Variants in AGT observed in about 807,000 individuals in gnomAD.
AGT encodes alpha-1 antiproteinase, antitrypsin.
AGT carries 26 observed loss-of-function variants against 28.1 expected under a neutral mutation model. The ratio of observed to expected loss-of-function variants is 0.92; its 90% CI spans 0.68 to 1.28. AGT has a LOEUF of 1.28. Among genes scored for constraint, AGT ranks in the 50% most tolerant of loss-of-function variants. The pLI is 0.00. For synonymous variants in AGT, 259 were observed against 259.6 expected (o/e 1.00, Z 0.02); for missense variants, 596 against 592.3 (o/e 1.01, Z -0.06).
intron 1 of AGT, among the ~76,000 whole-genome samples, chr1:230,720,152 T>C (rs1006180466): frequency 9.2e-5 from 14 of 152,130 alleles, no homozygotes; most frequent in Non-Finnish European, 2.1e-4. Flanking sequence ...AAGGGGTTAA[T>C]ATGAAACACG....
chr1:230,726,116 C>T (rs183168117), intron 1 of AGT, among the ~76,000 whole-genome samples: 128 of 152,302 alleles, frequency 8.4e-4, no homozygotes, highest in African/African-American at 2.6e-3. Context: ...GCAGCCAGAG[C>T]CAACTTTGAA....
chr1:230,724,286 A>C (rs766709287), intron 1 of AGT, among the ~76,000 whole-genome samples: 40 of 152,262 alleles, frequency 2.6e-4, no homozygotes, highest in Non-Finnish European at 5.0e-4. Context: ...TGCATGACAG[A>C]GGAGTTAGCT....
rs182271433 is a variant in AGT, at chr1:230,736,376, G to A, written c.-31+9139C>T. On this transcript the variant is annotated intron_variant, in intron 1 of 4. Transcript: ENST00000681269. The stretch of plus-strand genomic sequence containing the variant: ...ATCTCTACTAAAAATACAAAAAGCC[G>A]GGCATGGTGGCGGGCACCTGTAGTC... Among the ~76,000 whole-genome samples the A allele has an allele frequency of 6.6e-4, 101 of 152,048 alleles. No individual in the cohort carries two copies. In the East Asian group the frequency reaches 0.015, roughly 22 times the overall value.
At chr1:230,726,288 G>A (rs10864774) in intron 1 of AGT, among the ~76,000 whole-genome samples, 12,168 of 152,136 alleles carry the variant, frequency 0.08, 849 homozygotes, top group East Asian at 0.35. Context: ...TTTTATTGAT[G>A]AAGATGACAA....
At chr1:230,715,598 A>T (rs933057133), upstream of AGT, among the ~76,000 whole-genome samples, 2 of 152,234 alleles carry the variant, frequency 1.3e-5, no homozygotes, top group Non-Finnish European at 2.9e-5. Flanking sequence ...TAGTTGGAAC[A>T]GTAGAGACTG....
In AGT at chr1:230,702,729, A is replaced by G. The variant is rs113630741; in HGVS notation, c.*412T>C. The G allele has an allele frequency of 4.4e-6, 1 of 228,622 alleles. No individual in the cohort carries two copies. Among genetic ancestry groups the G allele is most frequent in the Non-Finnish European group, 8.8e-6 (1 of 113,660 alleles). 14.2% of individuals were successfully genotyped at this position (228,622 alleles called of 1,614,324 possible). Reference sequence around the variant, plus strand: ...ATTCAAGACACTAAATACAAACCGAAGGCAATGCAAAAATGTATACTTTAA... The same window carrying G: ...ATTCAAGACACTAAATACAAACCGAGGGCAATGCAAAAATGTATACTTTAA... On this transcript the variant is annotated 3_prime_UTR_variant, in exon 5 of 5. Coordinates refer to ENST00000366667, the MANE Select transcript of AGT (RefSeq NM_001384479.1).
Position 230,710,058 on chromosome 1 carries a change from A to T in AGT, c.766T>A (p.Cys256Ser). The change falls in exon 2 of 5, where the codon TGC (cysteine) becomes AGC (serine). Residue 256 changes from cysteine (C) to serine (S), a missense_variant. By Grantham distance (112) the Cys-to-Ser change is moderately radical (BLOSUM62 -1). Coordinates refer to ENST00000366667, the MANE Select transcript of AGT (RefSeq NM_001384479.1). ...TCCACACTGGCTCCCATCAGGGAGC[A>T]GCCAGTCTTCCATCCTGTCACAGCC... ...MQAVTGWKTG[C>S]SLMGASVDST... 6.2e-7 allele frequency: 1 copy of T among 1,614,172 alleles called. No individual in the cohort carries two copies. Among genetic ancestry groups the T allele is most frequent in the Non-Finnish European group, 8.5e-7 (1 of 1,180,022 alleles).
intron 1 of AGT, among the ~76,000 whole-genome samples, chr1:230,719,882 T>A: frequency 6.6e-6 from 1 of 152,176 alleles, no homozygotes; most frequent in East Asian, 1.9e-4. Flanking sequence ...CAAAAAGTGA[T>A]TGCTGCCTGA....
intron 2 of AGT, among the ~76,000 whole-genome samples, chr1:230,708,301 C>T (rs945951544): frequency 2.0e-5 from 3 of 152,112 alleles, no homozygotes; most frequent in African/African-American, 7.2e-5. Flanking sequence ...CGAAGGGAGA[C>T]CCATTTCAGA....
chr1:230,713,854 C>A lies in AGT; in HGVS notation c.-31+232G>T, dbSNP rs11568049. ...GGACCCTAACTTTTCTCAGCGGAAG[C>A]AGGAAGACCTGACCATCTTGTCCTA... is the stretch of plus-strand genomic sequence containing the variant. On this transcript the variant is annotated intron_variant, in intron 1 of 4. Transcript: ENST00000366667. Among the ~76,000 whole-genome samples the A allele has an allele frequency of 5.4e-3, 817 of 152,276 alleles. 3 individuals carry two copies. The highest frequency in any genetic ancestry group is 0.014 in the Middle Eastern group (4 of 294).
At chr1:230,711,833 A>T (rs1430263403) in intron 1 of AGT, among the ~76,000 whole-genome samples, 1 of 135,892 alleles carries the variant, frequency 7.4e-6, no homozygotes, top group East Asian at 2.3e-4. Context: ...AAAAAAAAAA[A>T]AATAGAAAAT....
At chr1:230,715,732 C>T (rs1663722266), upstream of AGT, among the ~76,000 whole-genome samples, 1 of 152,112 alleles carries the variant, frequency 6.6e-6, no homozygotes, top group Non-Finnish European at 1.5e-5. Context: ...AAGCAACAAC[C>T]TTGTGCCCAG....
At chr1:230,708,931 C>T (rs1393384849) in intron 2 of AGT, among the ~76,000 whole-genome samples, 1 of 152,182 alleles carries the variant, frequency 6.6e-6, no homozygotes, top group Non-Finnish European at 1.5e-5. Context: ...TCTGGTTCAA[C>T]ACTCATGCCA....
At position 230,703,014 on chromosome 1, in the gene AGT, G is replaced by T; in HGVS notation, c.*127C>A. On this transcript the variant is annotated 3_prime_UTR_variant, in exon 5 of 5. Coordinates refer to ENST00000366667, the MANE Select transcript of AGT (RefSeq NM_001384479.1). ...TTTCCAGCTCAAAGTCGACTCATTA[G>T]AAGAAAAGGTGGGAGACTGGGGGTG... The T allele has an allele frequency of 9.2e-7, 1 of 1,088,184 alleles. No individual in the cohort carries two copies. Among genetic ancestry groups the T allele is most frequent in the Non-Finnish European group, 1.3e-6 (1 of 760,236 alleles). The allele number at this position is 1,088,184 out of a possible 1,614,324, so 67.4% of individuals were successfully genotyped here. A position where few individuals can be genotyped will look rare whatever the true frequency, so the allele number is the denominator to read the frequency against.
upstream of AGT, among the ~76,000 whole-genome samples, chr1:230,718,310 T>C (rs545495710): frequency 6.6e-6 from 1 of 152,246 alleles, no homozygotes; most frequent in African/African-American, 2.4e-5. Context: ...GATATTTTGA[T>C]ATGAAGATAG....
At chr1:230,726,287 T>G (rs769018220) in intron 1 of AGT, among the ~76,000 whole-genome samples, 19 of 152,166 alleles carry the variant, frequency 1.2e-4, no homozygotes, top group Non-Finnish European at 2.6e-4. Flanking sequence ...ATTTTATTGA[T>G]GAAGATGACA....
In AGT at chr1:230,703,200, G is replaced by T; in HGVS notation, c.1372C>A (p.Gln458Lys). 1 of 1,614,208 alleles carries T rather than the reference G, an allele frequency of 6.2e-7. No homozygotes were observed. Among genetic ancestry groups the T allele is most frequent in the Non-Finnish European group, 8.5e-7 (1 of 1,180,048 alleles). ...NRPFLFAVYD[Q>K]SATALHFLGR... ...AGGAAGTGCAGGGCAGTGGCGCTTT[G>T]ATCATACACAGCAAACAGGAATGGG... The change falls in exon 5 of 5, where the codon CAA (glutamine) becomes AAA (lysine). Residue 458 changes from glutamine to lysine, a missense_variant. By Grantham distance (53) the Gln-to-Lys change is moderately conservative (BLOSUM62 1). Coordinates refer to ENST00000366667, the MANE Select transcript of AGT (RefSeq NM_001384479.1).
intron 2 of AGT, among the ~76,000 whole-genome samples, chr1:230,707,785 G>A (rs1419192881): frequency 6.6e-6 from 1 of 152,244 alleles, no homozygotes; most frequent in African/African-American, 2.4e-5. Flanking sequence ...GAGAGTGGCT[G>A]CCGTCTTCCC....
Position 230,705,445 on chromosome 1 carries a change from T to C in AGT, c.1097+488A>G, listed in dbSNP as rs565924844. ...AGGAAAGAGGAGCTAACAACACCTA[T>C]CCCCACCCAGCCGCCAGCCGCCAGC... On this transcript the variant is annotated intron_variant, in intron 3 of 4. Coordinates refer to ENST00000366667, the MANE Select transcript of AGT (RefSeq NM_001384479.1). Among the ~76,000 whole-genome samples the C allele has an allele frequency of 4.9e-4, 75 of 152,156 alleles. 1 individual carries two copies. The South Asian group carries it at 0.015, about 30-fold the overall frequency.
Sources: gnomAD v4.1 joint callset for allele counts (sites outside exome capture counted in the v4.1 genomes callset) on GRCh38, gnomAD v4.1.1 for gene constraint, MANE v1.5 for transcripts, NCBI Gene and HGNC (gene_info 2026-07-23, HGNC 2026-07-21) for gene names.